Variants in SDHAF4 observed in about 807,000 individuals in gnomAD.
SDHAF4 encodes succinate dehydrogenase assembly factor 4, mitochondrial.
In SDHAF4, 14 loss-of-function variants were observed where a neutral mutation model predicts 14.3. That is an observed-to-expected ratio of 0.98 (90% CI 0.65 to 1.53). The LOEUF (loss-of-function observed/expected upper bound fraction) is 1.53. SDHAF4 is among the 40% of genes most tolerant of loss of function. The probability of loss-of-function intolerance (pLI) is 0.00; values close to 1 mark genes in which losing one functional copy is unlikely to be tolerated. For synonymous variants in SDHAF4, 63 were observed against 47.3 expected (o/e 1.33, Z -1.36); for missense variants, 141 against 129.3 (o/e 1.09, Z -0.44).
At chr6:70,595,266 A>C in the SDHAF4 span, among the ~76,000 whole-genome samples, 1 of 152,212 alleles carries the variant, frequency 6.6e-6, no homozygotes, top group Non-Finnish European at 1.5e-5. Context: ...AAGGTTTTGC[A>C]AAACCTATAG....
chr6:70,589,394 GACCTC>G lies in SDHAF4; in HGVS notation c.*672_*676del, dbSNP rs559112893. 1 of 152,116 alleles carries G rather than the reference GACCTC, an allele frequency of 6.6e-6. No homozygotes were observed. The highest frequency in any genetic ancestry group is 1.5e-5 in the Non-Finnish European group (1 of 68,054). The allele number at this position is 152,116 out of a possible 1,614,324, so 9.4% of individuals were successfully genotyped here. On this transcript the variant is annotated 3_prime_UTR_variant, in exon 3 of 3. Coordinates refer to ENST00000370474, the MANE Select transcript of SDHAF4 (RefSeq NM_145267.3). ...TTAGCCAGGCTGGTCTCGAACTCCT[GACCTC>G]AGTTGATCCACCTGCCTCAGCCTCC...
chr6:70,569,573 T>C (rs893131107), intron 1 of SDHAF4, among the ~76,000 whole-genome samples: 1 of 152,244 alleles, frequency 6.6e-6, no homozygotes, highest in African/African-American at 2.4e-5. Flanking sequence ...TTCTTATTTA[T>C]ATTCTTTACA....
chr6:70,591,946 T>A (rs925930772), downstream of SDHAF4, among the ~76,000 whole-genome samples: 1 of 152,176 alleles, frequency 6.6e-6, no homozygotes. Context: ...TGGGTTATCA[T>A]GGAAGTGGAG....
intron 1 of SDHAF4, among the ~76,000 whole-genome samples, chr6:70,569,518 A>G (rs2128533348): frequency 6.6e-6 from 1 of 152,356 alleles, no homozygotes; most frequent in Admixed American, 6.5e-5. Flanking sequence ...TGTTGGGATT[A>G]CAGGCGTGAG....
chr6:70,584,143 C>T (rs1383820172), intron 2 of SDHAF4, among the ~76,000 whole-genome samples: 1 of 151,958 alleles, frequency 6.6e-6, no homozygotes. Flanking sequence ...CCTTCCTCAG[C>T]CTCCCTGGGA....
chr6:70,584,719 CTCAAAAGAGTGT>C (rs1765177458), intron 2 of SDHAF4, among the ~76,000 whole-genome samples: 1 of 152,068 alleles, frequency 6.6e-6, no homozygotes, highest in South Asian at 2.1e-4. Flanking sequence ...AAGAAGAGTG[CTCAAAAGAGTGT>C]GGGATTTGGA....
intron 2 of SDHAF4, among the ~76,000 whole-genome samples, chr6:70,581,597 G>A (rs1802323740): frequency 6.6e-6 from 1 of 152,050 alleles, no homozygotes; most frequent in African/African-American, 2.4e-5. Context: ...ATGTATGTGT[G>A]TGTGTGTTGT....
chr6:70,579,943 A>C (rs1279575795), intron 2 of SDHAF4, among the ~76,000 whole-genome samples: 1 of 152,168 alleles, frequency 6.6e-6, no homozygotes, highest in African/African-American at 2.4e-5. Flanking sequence ...ACCACTTTAT[A>C]TATGTAATGT....
intron 1 of SDHAF4, among the ~76,000 whole-genome samples, chr6:70,572,554 T>C (rs905036173): frequency 3.3e-5 from 5 of 152,174 alleles, no homozygotes; most frequent in African/African-American, 1.2e-4. Flanking sequence ...TATTTATCAA[T>C]TAAAAAATGA....
At chr6:70,596,483 C>T in the SDHAF4 span, 1 of 152,238 alleles carries the variant, frequency 6.6e-6, no homozygotes, top group East Asian at 1.9e-4. Context: ...GATATCTCCT[C>T]TAATAAATCT....
intron 2 of SDHAF4, among the ~76,000 whole-genome samples, chr6:70,582,827 G>A (rs2691497): frequency 9.2e-5 from 14 of 152,146 alleles, no homozygotes; most frequent in African/African-American, 2.7e-4. Context: ...CTGCTTCCTC[G>A]TTTCCTTCCT....
intron 2 of SDHAF4, among the ~76,000 whole-genome samples, chr6:70,584,393 G>A (rs1254244398): frequency 6.6e-6 from 1 of 152,126 alleles, no homozygotes; most frequent in African/African-American, 2.4e-5. Context: ...GAGGTACAAG[G>A]CAGTTCATCC....
chr6:70,592,482 A>G (rs1765267550), downstream of SDHAF4, among the ~76,000 whole-genome samples: 1 of 152,222 alleles, frequency 6.6e-6, no homozygotes, highest in Non-Finnish European at 1.5e-5. Context: ...AAAGTGTTGG[A>G]AACTGGAGTA....
chr6:70,595,389 C>G, the SDHAF4 span, among the ~76,000 whole-genome samples: 3 of 152,324 alleles, frequency 2.0e-5, no homozygotes, highest in African/African-American at 7.2e-5. Flanking sequence ...ATCCCAGAAA[C>G]AAATTAACTA....
intron 1 of SDHAF4, among the ~76,000 whole-genome samples, chr6:70,569,970 T>A (rs1488958037): frequency 2.0e-5 from 3 of 152,204 alleles, no homozygotes; most frequent in Non-Finnish European, 4.4e-5. Flanking sequence ...TATCAAACAC[T>A]TGTCCCAGGT....
chr6:70,587,826 A>G (rs1202945791), intron 2 of SDHAF4, among the ~76,000 whole-genome samples: 1 of 152,204 alleles, frequency 6.6e-6, no homozygotes, highest in East Asian at 1.9e-4. Flanking sequence ...ACATAGTACT[A>G]AGAATAATAA....
intron 1 of SDHAF4, among the ~76,000 whole-genome samples, chr6:70,575,884 T>C (rs1303163057): frequency 6.6e-6 from 1 of 151,546 alleles, no homozygotes; most frequent in Non-Finnish European, 1.5e-5. Flanking sequence ...TGTTATTTCA[T>C]GATGTTGTTA....
At chr6:70,588,009 G>A (rs1765223342) in intron 2 of SDHAF4, among the ~76,000 whole-genome samples, 1 of 152,190 alleles carries the variant, frequency 6.6e-6, no homozygotes, top group South Asian at 2.1e-4. Flanking sequence ...AGTGAGAGAA[G>A]TATGATTGTT....
the SDHAF4 span, among the ~76,000 whole-genome samples, chr6:70,595,835 C>T: frequency 1.0e-5 from 1 of 98,720 alleles, no homozygotes; most frequent in Non-Finnish European, 2.0e-5. Flanking sequence ...GACTCTATCT[C>T]AAAAAAAAAA....
Sources: gnomAD v4.1 joint callset for allele counts (sites outside exome capture counted in the v4.1 genomes callset) on GRCh38, gnomAD v4.1.1 for gene constraint, MANE v1.5 for transcripts, NCBI Gene and HGNC (gene_info 2026-07-23, HGNC 2026-07-21) for gene names.